The following SMOC2 variants were observed in gnomAD, a reference collection of about 807,000 sequenced individuals.
The protein encoded by SMOC2 is SPARC related modular calcium binding 2.
Under a neutral mutation model 61.4 loss-of-function variants are expected in SMOC2, and 39 were observed. The ratio of observed to expected loss-of-function variants is 0.64; its 90% CI spans 0.49 to 0.83. The LOEUF (loss-of-function observed/expected upper bound fraction) is 0.83, where lower values mean the gene tolerates loss of function less well. Among genes scored for constraint, SMOC2 ranks in the 40% least tolerant of loss-of-function variants. SMOC2 has a pLI of 0.00. For missense variants in SMOC2, 556 were observed against 592.9 expected (o/e 0.94, Z 0.65); for synonymous variants, 247 against 239.9 (o/e 1.03, Z -0.27).
chr6:168,551,281 C>T (rs1031004774), intron 7 of SMOC2, among the ~76,000 whole-genome samples: 4 of 152,120 alleles, frequency 2.6e-5, no homozygotes, highest in African/African-American at 9.7e-5. Context: ...TTATAAATTG[C>T]CCAGTCTTGG....
intron 9 of SMOC2, among the ~76,000 whole-genome samples, chr6:168,640,116 G>A (rs1413239204): frequency 1.3e-5 from 2 of 152,182 alleles, no homozygotes; most frequent in South Asian, 2.1e-4. Flanking sequence ...GGTCAGCCCT[G>A]GTCAGCCCTC....
chr6:168,601,636 C>T (rs888140765), intron 8 of SMOC2, among the ~76,000 whole-genome samples: 2 of 152,140 alleles, frequency 1.3e-5, no homozygotes, highest in Admixed American at 1.3e-4. Flanking sequence ...GCCCCAGCCC[C>T]CAGTGAGGCC....
intron 9 of SMOC2, among the ~76,000 whole-genome samples, chr6:168,643,609 A>G (rs1163508022): frequency 2.0e-5 from 3 of 152,200 alleles, no homozygotes; most frequent in East Asian, 1.9e-4. Flanking sequence ...GGTGGTGGGC[A>G]GGGGCCTTGT....
At chr6:168,655,338 C>T (rs1017124288) in intron 11 of SMOC2, 6 of 453,572 alleles carry the variant, frequency 1.3e-5, no homozygotes, top group Non-Finnish European at 2.2e-5. Context: ...ATGGTTATAG[C>T]AGTTTTAACA....
chr6:168,602,544 C>G (rs1002835381), intron 8 of SMOC2, among the ~76,000 whole-genome samples: 3 of 152,194 alleles, frequency 2.0e-5, no homozygotes, highest in African/African-American at 4.8e-5. Flanking sequence ...CTGCCTTGGA[C>G]TGGGGAGAAA....
intron 1 of SMOC2, among the ~76,000 whole-genome samples, chr6:168,482,760 A>G (rs1427205352): frequency 1.3e-5 from 2 of 152,122 alleles, no homozygotes; most frequent in African/African-American, 4.8e-5. Flanking sequence ...TGTAAAATCA[A>G]TCAATGTAAT....
intron 1 of SMOC2, among the ~76,000 whole-genome samples, chr6:168,467,364 T>G (rs1781866323): frequency 6.6e-6 from 1 of 151,632 alleles, no homozygotes; most frequent in South Asian, 2.1e-4. Context: ...TGGAGTGCAG[T>G]GGAGCAATCT....
At chr6:168,552,427 G>GT (rs1004734170) in intron 7 of SMOC2, among the ~76,000 whole-genome samples, 23 of 140,814 alleles carry the variant, frequency 1.6e-4, no homozygotes, top group African/African-American at 4.7e-4. Flanking sequence ...ACCTTTTCCT[G>GT]TTTTTTTATT....
chr6:168,495,543 G>A (rs1782567555), intron 1 of SMOC2, among the ~76,000 whole-genome samples: 1 of 152,198 alleles, frequency 6.6e-6, no homozygotes, highest in South Asian at 2.1e-4. Context: ...ATGAGTGTGT[G>A]TTTGCTGTGG....
At chr6:168,444,026 C>T (rs1179790531) in intron 1 of SMOC2, among the ~76,000 whole-genome samples, 4 of 152,262 alleles carry the variant, frequency 2.6e-5, no homozygotes, top group South Asian at 2.1e-4. Flanking sequence ...GCCGTGGGTC[C>T]GTATAAGAGA....
chr6:168,528,375 T>C (rs1262720502), intron 4 of SMOC2, among the ~76,000 whole-genome samples: 1 of 151,324 alleles, frequency 6.6e-6, no homozygotes. Context: ...TATCAGACCA[T>C]CTATGAAGAA....
At chr6:168,508,030 G>C (rs1161657522) in intron 1 of SMOC2, among the ~76,000 whole-genome samples, 1 of 151,994 alleles carries the variant, frequency 6.6e-6, no homozygotes, top group African/African-American at 2.4e-5. Flanking sequence ...CCACTGTCAC[G>C]GTCCTCAGGT....
At chr6:168,584,201 AG>A (rs1167826597) in intron 7 of SMOC2, among the ~76,000 whole-genome samples, 2 of 152,248 alleles carry the variant, frequency 1.3e-5, no homozygotes, top group Non-Finnish European at 2.9e-5. Flanking sequence ...GCAGGGTTGC[AG>A]GTATTACAGT....
At chr6:168,491,516 G>C (rs1419706511) in intron 1 of SMOC2, among the ~76,000 whole-genome samples, 1 of 152,090 alleles carries the variant, frequency 6.6e-6, no homozygotes, top group Non-Finnish European at 1.5e-5. Flanking sequence ...TAAGTATTTG[G>C]GATCAATTCA....
chr6:168,606,485 T>C lies in SMOC2; in HGVS notation c.825-1672T>C, dbSNP rs531073932. Among the ~76,000 whole-genome samples the C allele has an allele frequency of 1.4e-3, 210 of 152,288 alleles. 1 individual carries two copies. Among genetic ancestry groups the C allele is most frequent in the African/African-American group, 4.9e-3 (204 of 41,578 alleles). On this transcript the variant is annotated intron_variant, in intron 8 of 12. Transcript: ENST00000356284. The stretch of plus-strand genomic sequence containing the variant: ...TGTGGTTCCTGACTCTTATGACAGC[T>C]GGATGGGGTCCTCTCACTGGGACTG...
rs1389126443 is a variant in SMOC2 at position 168,453,097 on chromosome 6, C to CTCAGGGCAATCTGCCCTGAGGAAT, written c.84+11652_84+11675dup. Among the ~76,000 whole-genome samples, 6 of 152,202 alleles carry CTCAGGGCAATCTGCCCTGAGGAAT rather than the reference C, an allele frequency of 3.9e-5. No individual in the cohort carries two copies. The highest frequency in any genetic ancestry group is 7.3e-5 in the Non-Finnish European group (5 of 68,028). On this transcript the variant is annotated intron_variant, in intron 1 of 12. Coordinates refer to ENST00000356284, the MANE Select transcript of SMOC2 (RefSeq NM_001166412.2). The surrounding 1 kb of genome is among the most constrained non-coding windows in gnomAD (Gnocchi z 4.4). ...GAGTCCCCAGGGCCTTGGCCGGACA[C>CTCAGGGCAATCTGCCCTGAGGAAT]TCAGGGCAATCTGCCCTGAGGAATT... is the stretch of plus-strand genomic sequence containing the variant.
chr6:168,637,706 T>C (rs1407770463), intron 9 of SMOC2, among the ~76,000 whole-genome samples: 1 of 152,210 alleles, frequency 6.6e-6, no homozygotes, highest in African/African-American at 2.4e-5. Context: ...TGAAAGACCA[T>C]GACATTTACC....
At chr6:168,491,057 C>T (rs1222123043) in intron 1 of SMOC2, among the ~76,000 whole-genome samples, 2 of 152,306 alleles carry the variant, frequency 1.3e-5, no homozygotes, top group East Asian at 3.9e-4. Flanking sequence ...GGCGGCTGGT[C>T]TCTCTCATTA....
chr6:168,525,216 G>A lies in SMOC2; in HGVS notation c.257-1130G>A, dbSNP rs890970285. On this transcript the variant is annotated intron_variant, in intron 2 of 12. Coordinates refer to ENST00000356284, the MANE Select transcript of SMOC2 (RefSeq NM_001166412.2). ...AAGCATGCATGTGTGTTCTGCTTCCGGGGAGGCGGCCCATGGCAGCCAACG... is the reference window on the plus strand; with the variant it reads ...AAGCATGCATGTGTGTTCTGCTTCCAGGGAGGCGGCCCATGGCAGCCAACG... Among the ~76,000 whole-genome samples the A allele has an allele frequency of 3.3e-5, 5 of 152,344 alleles. No homozygotes were observed. In the South Asian group the frequency reaches 8.3e-4, roughly 25 times the overall value.
Sources: gnomAD v4.1 joint callset for allele counts (sites outside exome capture counted in the v4.1 genomes callset) on GRCh38, gnomAD v4.1.1 for gene constraint, Gnocchi (gnomAD v3.1) non-coding constraint, MANE v1.5 for transcripts, NCBI Gene and HGNC (gene_info 2026-07-23, HGNC 2026-07-21) for gene names.